SYN3: variants seen among roughly 807,000 people sequenced by gnomAD.
SYN3 encodes the protein synapsin-3.
A neutral mutation model predicts 65.8 loss-of-function variants in SYN3; 35 were observed. The observed-to-expected ratio is 0.53, with a 90% confidence interval of 0.41 to 0.70. The LOEUF (loss-of-function observed/expected upper bound fraction) is 0.70. SYN3 is among the 30% of genes least tolerant of loss of function. SYN3 has a pLI of 0.00. For missense variants in SYN3, 680 were observed against 749.0 expected (o/e 0.91, Z 1.08); for synonymous variants, 270 against 292.9 (o/e 0.92, Z 0.80).
Position 32,868,961 on chromosome 22 carries a change from C to T in SYN3, c.621+5G>A. On this transcript the variant is annotated splice_donor_5th_base_variant and intron_variant, in intron 5 of 13. Coordinates refer to ENST00000358763, the MANE Select transcript of SYN3 (RefSeq NM_003490.4). ...CCCTCCAGGTCAGCCTGCCCTGTCA[C>T]CTACCACCCAGGGCTTGCTGCAGAA... 1 of 1,613,168 alleles carries T rather than the reference C, an allele frequency of 6.2e-7. No homozygotes were observed.
rs145335026 is a variant in SYN3 at position 33,051,152 on chromosome 22, A to G, written c.-163+7140T>C. 2.6e-3 allele frequency among the ~76,000 whole-genome samples: 396 copies of G among 152,286 alleles called. 4 individuals are homozygous for G. The highest frequency in any genetic ancestry group is 9.2e-3 in the African/African-American group (384 of 41,564). ...TTCGGTGACTTGCTCAAGGACCTAC[A>G]TCAGCAAGCCTGGCCTAGAACACAG... On this transcript the variant is annotated intron_variant, in intron 1 of 13. Transcript: ENST00000358763.
At chr22:32,606,929 T>C (rs180827560) in intron 6 of SYN3, among the ~76,000 whole-genome samples, 1,686 of 152,252 alleles carry the variant, frequency 0.011, 15 homozygotes, top group Non-Finnish European at 0.018. Flanking sequence ...TACATATGTA[T>C]ACATGTGCCA....
intron 1 of SYN3, among the ~76,000 whole-genome samples, chr22:33,008,805 C>T (rs537685369): frequency 1.1e-4 from 16 of 151,184 alleles, no homozygotes; most frequent in Admixed American, 2.6e-4. Context: ...TGGGCCTGTA[C>T]GCCCAGCTAC....
intron 4 of SYN3, among the ~76,000 whole-genome samples, chr22:32,923,526 A>G (rs184152143): frequency 6.6e-6 from 1 of 152,330 alleles, no homozygotes; most frequent in African/African-American, 2.4e-5. Context: ...CACAATGCAT[A>G]CTGGAAGTGC....
chr22:32,967,106 T>C (rs9621610), intron 3 of SYN3, among the ~76,000 whole-genome samples: 8,126 of 152,150 alleles, frequency 0.053, 705 homozygotes, highest in African/African-American at 0.18. Flanking sequence ...CTAATCCATA[T>C]GAAATGCTTA....
chr22:32,510,982 G>GGTGTGTGTGT lies in SYN3; in HGVS notation c.*2709_*2710insACACACACAC, dbSNP rs199663400. On this transcript the variant is annotated 3_prime_UTR_variant, in exon 14 of 14. Transcript: ENST00000358763. ...TTTGTCAATTCCAAGTTATTGTCCA[G>GGTGTGTGTGT]GCGTGTGTGTGTGTGTGTGTGTGTG... Among the ~76,000 whole-genome samples, 317 of 102,360 alleles carry GGTGTGTGTGT rather than the reference G, an allele frequency of 3.1e-3. 2 individuals carry two copies. Among genetic ancestry groups the GGTGTGTGTGT allele is most frequent in the African/African-American group, 0.013 (293 of 23,006 alleles). The allele number at this position is 102,360 out of a possible 152,430, so 67.2% of individuals were successfully genotyped here. A position where few individuals can be genotyped will look rare whatever the true frequency, so the allele number is the denominator to read the frequency against.
At chr22:32,887,118 T>C (rs1287464116) in intron 4 of SYN3, among the ~76,000 whole-genome samples, 1 of 152,206 alleles carries the variant, frequency 6.6e-6, no homozygotes, top group African/African-American at 2.4e-5. Flanking sequence ...GACTCATGCT[T>C]GTAATCCCAG....
At chr22:32,919,386 T>G (rs2146627683) in intron 4 of SYN3, among the ~76,000 whole-genome samples, 1 of 152,354 alleles carries the variant, frequency 6.6e-6, no homozygotes. Context: ...AACTCTAGTA[T>G]CAGCTCCACA....
chr22:33,055,524 A>G (rs1458614084), intron 1 of SYN3, among the ~76,000 whole-genome samples: 2 of 152,190 alleles, frequency 1.3e-5, no homozygotes. Flanking sequence ...CATTTCACTC[A>G]TTTAAGAAAT....
intron 6 of SYN3, among the ~76,000 whole-genome samples, chr22:32,613,849 T>C (rs1367660707): frequency 6.6e-6 from 1 of 152,164 alleles, no homozygotes; most frequent in African/African-American, 2.4e-5. Context: ...GGGTGCACCA[T>C]GCTTTCTTTA....
At chr22:32,656,762 A>G (rs1344795773) in intron 6 of SYN3, among the ~76,000 whole-genome samples, 1 of 152,116 alleles carries the variant, frequency 6.6e-6, no homozygotes, top group African/African-American at 2.4e-5. Context: ...TACCTCTTCT[A>G]TTCAGGCTGA....
chr22:32,555,957 A>G (rs1353005372), intron 7 of SYN3, among the ~76,000 whole-genome samples: 2 of 152,162 alleles, frequency 1.3e-5, no homozygotes, highest in African/African-American at 4.8e-5. Flanking sequence ...TGTGACGAAT[A>G]TTAATACCAG....
At chr22:32,518,426 T>C (rs2057818296) in intron 12 of SYN3, 92 bp from the exon 13 acceptor site, 1 of 1,470,152 alleles carries the variant, frequency 6.8e-7, no homozygotes, top group Non-Finnish European at 9.4e-7. Context: ...AGGATGTTCA[T>C]TACAGTGTTT....
chr22:32,949,247 C>T (rs1223585104), intron 3 of SYN3, among the ~76,000 whole-genome samples: 1 of 151,768 alleles, frequency 6.6e-6, no homozygotes, highest in Non-Finnish European at 1.5e-5. Flanking sequence ...ACCCTTATAT[C>T]TTTTTAAAAA....
chr22:32,826,528 T>G (rs1027856505), intron 6 of SYN3, among the ~76,000 whole-genome samples: 1 of 152,194 alleles, frequency 6.6e-6, no homozygotes, highest in Non-Finnish European at 1.5e-5. Context: ...CTCGGTCCTA[T>G]TTTGTTAAAT....
rs1179668368 is a variant in SYN3, at chr22:32,527,942, G to A, written c.1294C>T (p.Pro432Ser). ...CCTTGCGGAGGTGGGCGTGGCTGGG[G>A]CTGGCCTAGCTGAGGCCCCAGCTGG... ...QAQLGPQLGQ[P>S]QPRPPPQGGP... The change falls in exon 12 of 14, where the codon CCC becomes TCC. Residue 432 changes from proline (P) to serine (S), a missense_variant. By Grantham distance (74) the Pro-to-Ser change is moderately conservative. Coordinates refer to ENST00000358763, the MANE Select transcript of SYN3 (RefSeq NM_003490.4). The A allele has an allele frequency of 3.1e-6, 5 of 1,590,040 alleles. No individual in the cohort carries two copies. Among genetic ancestry groups the A allele is most frequent in the African/African-American group, 2.7e-5 (2 of 74,346 alleles).
chr22:32,529,537 C>A (rs2058036481), intron 10 of SYN3, among the ~76,000 whole-genome samples: 1 of 152,196 alleles, frequency 6.6e-6, no homozygotes. Context: ...GAGGGAAAAG[C>A]ATTCCACAGG....
intron 3 of SYN3, among the ~76,000 whole-genome samples, chr22:32,972,872 G>A (rs1412461871): frequency 1.3e-5 from 2 of 151,982 alleles, no homozygotes; most frequent in Non-Finnish European, 2.9e-5. Context: ...GGGCATGGAT[G>A]GTGGTGCACA....
chr22:32,952,908 A>T (rs1403336380), intron 3 of SYN3, among the ~76,000 whole-genome samples: 1 of 152,228 alleles, frequency 6.6e-6, no homozygotes, highest in African/African-American at 2.4e-5. Flanking sequence ...TGGGCAAGTT[A>T]GCCTTCTTAT....
Sources: gnomAD v4.1 joint callset for allele counts (sites outside exome capture counted in the v4.1 genomes callset) on GRCh38, gnomAD v4.1.1 for gene constraint, MANE v1.5 for transcripts, NCBI Gene and HGNC (gene_info 2026-07-23, HGNC 2026-07-21) for gene names.